Variants in APC2 observed in about 807,000 individuals in gnomAD.
APC2 encodes the protein adenomatous polyposis coli protein 2.
APC2 carries 41 observed loss-of-function variants against 72.5 expected under a neutral mutation model. The observed-to-expected ratio is 0.57, with a 90% CI of 0.44 to 0.73. The LOEUF is 0.73. APC2 is among the 30% of genes least tolerant of loss of function. The probability of loss-of-function intolerance (pLI) is 0.00; values close to 1 mark genes in which losing one functional copy is unlikely to be tolerated. For synonymous variants in APC2, 1,898 were observed against 1,612.0 expected (o/e 1.18, Z -4.25); for missense variants, 3,729 against 3,403.4 (o/e 1.10, Z -2.38).
intron 9 of APC2, 71 bp from the exon 10 acceptor site, chr19:1,457,894 G>GCGGGGGGGGA: frequency 7.5e-7 from 1 of 1,329,712 alleles, no homozygotes; most frequent in South Asian, 1.3e-5. Flanking sequence ...CGGGCGGGTT[G>GCGGGGGGGGA]CGGGACCTTC....
At chr19:1,462,655 CAAAAAAAAAAAAAAA>C (rs34103912) in intron 14 of APC2, among the ~76,000 whole-genome samples, 3 of 24,908 alleles carry the variant, frequency 1.2e-4, no homozygotes, top group Admixed American at 5.4e-4. Context: ...AACTTCATCT[CAAAAAAAAAAAAAAA>C]AAAAAAAAAA....
At chr19:1,449,058 G>A (rs117140078), upstream of APC2, among the ~76,000 whole-genome samples, 209 of 152,266 alleles carry the variant, frequency 1.4e-3, 2 homozygotes, top group East Asian at 0.024. Context: ...GAAACAGCAC[G>A]GGTCCTCCCT....
At position 1,456,849 on chromosome 19, in the gene APC2, C is replaced by T. The variant is rs1208272257; in HGVS notation, c.817-4C>T. ...ACCCCACCCTGACCCTGCCCTCCCCCCAGGTGGAGGTGGTCTTCTGGCTGT... is the reference window on the plus strand; with the variant it reads ...ACCCCACCCTGACCCTGCCCTCCCCTCAGGTGGAGGTGGTCTTCTGGCTGT... On this transcript the variant is annotated splice_region_variant and splice_polypyrimidine_tract_variant and intron_variant, in intron 8 of 14. Transcript: ENST00000590469. 2 of 1,594,584 alleles carry T rather than the reference C, an allele frequency of 1.3e-6. No individual in the cohort carries two copies. Among genetic ancestry groups the T allele is most frequent in the Middle Eastern group, 1.7e-4 (1 of 5,858 alleles).
chr19:1,457,688 A>C (rs899864159), intron 9 of APC2: 22 of 545,304 alleles, frequency 4.0e-5, no homozygotes, highest in Non-Finnish European at 6.6e-5. Context: ...ACAGAGCGAG[A>C]CCCTGTCTCG....
intron 7 of APC2, 63 bp downstream of exon 7, chr19:1,456,216 C>T: frequency 1.9e-6 from 3 of 1,549,796 alleles, no homozygotes; most frequent in South Asian, 1.2e-5. Context: ...CGGGGCTCCT[C>T]GAGTTCTGCC....
Position 1,468,715 on chromosome 19 carries a change from C to T in APC2, c.5414C>T (p.Pro1805Leu), listed in dbSNP as rs1360392124. The T allele has an allele frequency of 6.6e-7, 1 of 1,519,978 alleles. No homozygotes were observed. The highest frequency in any genetic ancestry group is 8.9e-7 in the Non-Finnish European group (1 of 1,129,256). 94.2% of individuals were successfully genotyped at this position (1,519,978 alleles called of 1,614,324 possible). A position where few individuals can be genotyped will look rare whatever the true frequency, so the allele number is the denominator to read the frequency against. ...YVPSPAPRAQPKGTPGPRATP... is the reference protein window; with the variant it reads ...YVPSPAPRAQLKGTPGPRATP... ...CCCAGCCCGGCACCCCGTGCCCAGC[C>T]CAAAGGGACCCCCGGCCCCCGCGCC... is the stretch of plus-strand genomic sequence containing the variant. Residue 1805 changes from proline (P) to leucine (L), a missense_variant, in exon 15 of 15, where the codon CCC (proline) becomes CTC (leucine). Transcript: ENST00000590469.
rs2084043272 is a variant in APC2, at chr19:1,467,656, C to T, written c.4355C>T (p.Ala1452Val). 2.0e-6 allele frequency: 3 copies of T among 1,479,338 alleles called. No individual in the cohort carries two copies. The highest frequency in any genetic ancestry group is 1.5e-5 in the African/African-American group (1 of 68,234). 91.6% of individuals were successfully genotyped at this position (1,479,338 alleles called of 1,614,324 possible). A position where few individuals can be genotyped will look rare whatever the true frequency, so the allele number is the denominator to read the frequency against. Residue 1452 changes from alanine to valine, a missense_variant, in exon 15 of 15, where the codon GCG becomes GTG. Ala to Val is a moderately conservative substitution (Grantham distance 64, BLOSUM62 0). Coordinates refer to ENST00000590469, the MANE Select transcript of APC2 (RefSeq NM_005883.3). ...AAGGCGGGAGGCGCCGGCCGCAGCG[C>T]GGAGCAGTCTCGGGGCGCGGGCAAG... is the stretch of plus-strand genomic sequence containing the variant. ...RHKAGGAGRSAEQSRGAGKNR... is the reference protein window; with the variant it reads ...RHKAGGAGRSVEQSRGAGKNR...
chr19:1,469,302 T>A lies in APC2; in HGVS notation c.6001T>A (p.Ser2001Thr), dbSNP rs1347298016. The A allele has an allele frequency of 2.1e-6, 3 of 1,416,042 alleles. No homozygotes were observed. The highest frequency in any genetic ancestry group is 2.8e-6 in the Non-Finnish European group (3 of 1,081,952). 87.7% of individuals were successfully genotyped at this position (1,416,042 alleles called of 1,614,324 possible). A position where few individuals can be genotyped will look rare whatever the true frequency, so the allele number is the denominator to read the frequency against. The part of the protein sequence containing the change: ...FRRQLTFIKE[S>T]PGLRRRRSEL... ...GCGACAGCTAACCTTCATCAAGGAG[T>A]CGCCGGGCTTGCGGCGCCGCCGCTC... Residue 2001 changes from serine (S) to threonine (T), a missense_variant, in exon 15 of 15, where the codon TCG becomes ACG. Coordinates refer to ENST00000590469, the MANE Select transcript of APC2 (RefSeq NM_005883.3).
Position 1,453,614 on chromosome 19 carries a change from G to T in APC2, c.413+3G>T. 6.3e-7 allele frequency: 1 copy of T among 1,591,982 alleles called. No homozygotes were observed. The highest frequency in any genetic ancestry group is 8.5e-7 in the Non-Finnish European group (1 of 1,169,954). On this transcript the variant is annotated splice_donor_region_variant and intron_variant, in intron 4 of 14. Transcript: ENST00000590469. ...CTGGAGGAACTGGACCGGGAACGGT[G>T]AGTGGGCGTGGGAACCCAGCCTCGG...
chr19:1,460,081 T>C, intron 10 of APC2, 100 bp from the exon 11 acceptor site: 1 of 1,514,248 alleles, frequency 6.6e-7, no homozygotes, highest in Non-Finnish European at 9.0e-7. Context: ...AGGGCAGGTC[T>C]GGGGCATAGG....
At chr19:1,464,560 AAGAT>A (rs984315785) in intron 14 of APC2, among the ~76,000 whole-genome samples, 57 of 152,100 alleles carry the variant, frequency 3.7e-4, no homozygotes, top group African/African-American at 1.3e-3. Context: ...TCTCTCAGAA[AAGAT>A]AGATATAGAC....
chr19:1,467,747 A>C lies in APC2; in HGVS notation c.4446A>C (p.Ser1482=). ...GCGCCCCCGCAGACAAGGACGGCTC[A>C]AAGCCCGGCCGGACCCGCGGGGACG... ...PPSAPADKDG[S]KPGRTRGDGA... is the part of the protein sequence containing the mutation. The change falls in exon 15 of 15, where the codon TCA becomes TCC. Residue 1482 remains serine (S), a synonymous_variant. Transcript: ENST00000590469. 1 of 1,436,468 alleles carries C rather than the reference A, an allele frequency of 7.0e-7. No homozygotes were observed. The highest frequency in any genetic ancestry group is 1.4e-5 in the South Asian group (1 of 69,456). The allele number at this position is 1,436,468 out of a possible 1,614,324, so 89.0% of individuals were successfully genotyped here.
Position 1,468,157 on chromosome 19 carries a change from C to G in APC2, c.4856C>G (p.Ser1619Trp). 6.8e-7 allele frequency: 1 copy of G among 1,462,192 alleles called. No individual in the cohort carries two copies. Among genetic ancestry groups the G allele is most frequent in the South Asian group, 1.3e-5 (1 of 74,548 alleles). The allele number at this position is 1,462,192 out of a possible 1,614,324, so 90.6% of individuals were successfully genotyped here. The change falls in exon 15 of 15, where the codon TCG becomes TGG. Residue 1619 changes from serine to tryptophan, a missense_variant. Physicochemically the swap from Ser to Trp is radical, Grantham distance 177. Coordinates refer to ENST00000590469, the MANE Select transcript of APC2 (RefSeq NM_005883.3). ...GGCCCAGGAGGCGGACGCGACAGCT[C>G]GCCCAGCCCGCGGGCCGCGGAGGAG... ...DPGPGGGRDS[S>W]PSPRAAEELL...
In APC2 at chr19:1,457,024, G is replaced by C. The variant is rs927248033; in HGVS notation, c.988G>C (p.Gly330Arg). 6.5e-7 allele frequency: 1 copy of C among 1,527,858 alleles called. No individual in the cohort carries two copies. Among genetic ancestry groups the C allele is most frequent in the Non-Finnish European group, 8.7e-7 (1 of 1,143,796 alleles). 94.6% of individuals were successfully genotyped at this position (1,527,858 alleles called of 1,614,324 possible). A position where few individuals can be genotyped will look rare whatever the true frequency, so the allele number is the denominator to read the frequency against. ...ILHGTEAAAG[G>R]RAGAPGAPGA... The stretch of plus-strand genomic sequence containing the variant: ...CCACGGCACCGAGGCCGCGGCCGGG[G>C]GTCGCGCCGGGGCCCCAGGGGCACC... The change falls in exon 9 of 15, where the codon GGT becomes CGT. Residue 330 changes from glycine (G) to arginine (R), a missense_variant. Coordinates refer to ENST00000590469, the MANE Select transcript of APC2 (RefSeq NM_005883.3).
chr19:1,464,093 G>T (rs959873629), intron 14 of APC2, among the ~76,000 whole-genome samples: 1 of 152,068 alleles, frequency 6.6e-6, no homozygotes, highest in African/African-American at 2.4e-5. Context: ...TGGATCACCT[G>T]AGGTCAGGAG....
At chr19:1,449,111 C>G (rs2083714459), upstream of APC2, among the ~76,000 whole-genome samples, 1 of 152,222 alleles carries the variant, frequency 6.6e-6, no homozygotes, top group African/African-American at 2.4e-5. Flanking sequence ...CCTTCCCACC[C>G]TCTCCTATCA....
rs1370008380 is a variant in APC2 at position 1,468,822 on chromosome 19, C to A, written c.5521C>A (p.Arg1841=). 1 of 1,545,716 alleles carries A rather than the reference C, an allele frequency of 6.5e-7. No homozygotes were observed. The highest frequency in any genetic ancestry group is 8.7e-7 in the Non-Finnish European group (1 of 1,151,086). The part of the protein sequence containing the change: ...KVPSPGQQRS[R]SLHRPAKTSE... ...CCCGAGCCCCGGGCAGCAGCGGTCG[C>A]GGAGCCTACACCGGCCTGCCAAGAC... is the stretch of plus-strand genomic sequence containing the variant. The change falls in exon 15 of 15, where the codon CGG becomes AGG. Residue 1841 remains arginine (R), a synonymous_variant. Coordinates refer to ENST00000590469, the MANE Select transcript of APC2 (RefSeq NM_005883.3).
At chr19:1,451,301 C>T in intron 1 of APC2, 1 of 152,818 alleles carries the variant, frequency 6.5e-6, no homozygotes, top group Non-Finnish European at 1.5e-5. Flanking sequence ...GTTTGGGGAG[C>T]AGGAGGCAGA....
chr19:1,471,585 C>CG lies in APC2; in HGVS notation c.*1373dup, dbSNP rs796801513. 6 of 152,314 alleles carry CG rather than the reference C, an allele frequency of 3.9e-5. No homozygotes were observed. Among genetic ancestry groups the CG allele is most frequent in the African/African-American group, 1.4e-4 (6 of 41,560 alleles). The allele number at this position is 152,314 out of a possible 1,614,324, so 9.4% of individuals were successfully genotyped here. ...CGCCTCGTCCTGCAGAGGGAGCCGA[C>CG]GACCTCTTTTCTGCAGAAAAGCTCC... On this transcript the variant is annotated 3_prime_UTR_variant, in exon 15 of 15. Transcript: ENST00000590469.
Sources: allele counts gnomAD v4.1 joint callset (sites outside exome capture counted in the v4.1 genomes callset), GRCh38; gene constraint gnomAD v4.1.1; transcripts MANE v1.5; gene names NCBI Gene and HGNC (gene_info 2026-07-23, HGNC 2026-07-21).